AKAP7: variants seen among roughly 807,000 people sequenced by gnomAD.
The protein encoded by AKAP7 is A-kinase anchoring protein 7.
Under a neutral mutation model 39.5 loss-of-function variants are expected in AKAP7, and 39 were observed. The ratio of observed to expected loss-of-function variants is 0.99; its 90% CI spans 0.76 to 1.29. The LOEUF is 1.29. Among genes scored for constraint, AKAP7 ranks in the 50% most tolerant of loss-of-function variants. AKAP7 has a pLI of 0.00. For synonymous variants in AKAP7, 140 were observed against 139.1 expected, an observed-to-expected ratio of 1.01 and a Z score of -0.05; for missense variants, 414 against 407.7, an observed-to-expected ratio of 1.02 and a Z score of -0.13.
At chr6:131,127,908 A>G in the AKAP7 span, among the ~76,000 whole-genome samples, 3 of 152,356 alleles carry the variant, frequency 2.0e-5, no homozygotes, top group African/African-American at 7.2e-5. Context: ...CATTATCCTT[A>G]GCAAACTAAC....
At chr6:131,210,179 T>C (rs556291600) in intron 6 of AKAP7, among the ~76,000 whole-genome samples, 2 of 152,354 alleles carry the variant, frequency 1.3e-5, no homozygotes, top group South Asian at 2.1e-4. Flanking sequence ...ATACTTCCAT[T>C]TCTACATATG....
At chr6:131,176,247 G>A (rs1307292978) in intron 5 of AKAP7, among the ~76,000 whole-genome samples, 2 of 151,526 alleles carry the variant, frequency 1.3e-5, no homozygotes, top group Non-Finnish European at 2.9e-5. Flanking sequence ...CAGAGGCTGT[G>A]TCTCAGCTTC....
chr6:131,149,166 G>T (rs990480992), intron 2 of AKAP7, among the ~76,000 whole-genome samples: 2 of 152,224 alleles, frequency 1.3e-5, no homozygotes, highest in African/African-American at 4.8e-5. Context: ...CTGGTTGGGT[G>T]AGATGGGTCT....
rs145313230 is a variant in AKAP7, at chr6:131,159,859, T to A, written c.152-200T>A. ...TTTTGTCTACAGCAGAGTTGAGTAGTTAACGGCAGAGACTATGTCATCTGC... is the reference window on the plus strand; with the variant it reads ...TTTTGTCTACAGCAGAGTTGAGTAGATAACGGCAGAGACTATGTCATCTGC... On this transcript the variant is annotated intron_variant, in intron 2 of 7. Coordinates refer to ENST00000431975, the MANE Select transcript of AKAP7 (RefSeq NM_016377.4). 7.9e-5 allele frequency among the ~76,000 whole-genome samples: 12 copies of A among 152,326 alleles called. No homozygotes were observed. In the East Asian group the frequency reaches 1.7e-3, roughly 22 times the overall value.
intron 1 of AKAP7, among the ~76,000 whole-genome samples, chr6:131,141,562 A>C (rs1387316659): frequency 6.6e-6 from 1 of 152,212 alleles, no homozygotes; most frequent in Non-Finnish European, 1.5e-5. Flanking sequence ...GATACCTGAA[A>C]AGGTGGAAGT....
At chr6:131,195,923 T>A (rs1234411991) in intron 5 of AKAP7, among the ~76,000 whole-genome samples, 3 of 152,182 alleles carry the variant, frequency 2.0e-5, no homozygotes, top group Non-Finnish European at 4.4e-5. Flanking sequence ...CTTTAGGTAG[T>A]CTTCTTTGAA....
At position 131,281,432 on chromosome 6, in the gene AKAP7, C is replaced by A; in HGVS notation, c.851-98C>A. 1.0e-6 allele frequency: 1 copy of A among 970,344 alleles called. No individual in the cohort carries two copies. Among genetic ancestry groups the A allele is most frequent in the Non-Finnish European group, 1.5e-6 (1 of 674,854 alleles). The allele number at this position is 970,344 out of a possible 1,614,324, so 60.1% of individuals were successfully genotyped here. A position where few individuals can be genotyped will look rare whatever the true frequency, so the allele number is the denominator to read the frequency against. On this transcript the variant is annotated intron_variant, in intron 7 of 7. Transcript: ENST00000431975. The surrounding 1 kb of genome is among the most constrained non-coding windows in gnomAD (Gnocchi z 4.0). ...CTTGAATTTATAGATCCAATTTACA[C>A]TTGCTCTTTTTAACCAATGGAACTA...
chr6:131,218,987 C>T (rs982189934), intron 6 of AKAP7, among the ~76,000 whole-genome samples: 7 of 151,910 alleles, frequency 4.6e-5, no homozygotes, highest in Non-Finnish European at 7.4e-5. Flanking sequence ...GTATCTATTT[C>T]GCTGGGCGCA....
intron 5 of AKAP7, among the ~76,000 whole-genome samples, chr6:131,171,445 A>C (rs1804037385): frequency 6.6e-6 from 1 of 152,198 alleles, no homozygotes; most frequent in African/African-American, 2.4e-5. Context: ...ATGCAAATAA[A>C]TCAAGTCCTA....
At chr6:131,198,091 G>A (rs1195602909) in intron 5 of AKAP7, among the ~76,000 whole-genome samples, 1 of 152,152 alleles carries the variant, frequency 6.6e-6, no homozygotes, top group African/African-American at 2.4e-5. Context: ...CAAAGGCCAC[G>A]AGGGGTTTTA....
chr6:131,137,002 C>A (rs1020515230), intron 1 of AKAP7, among the ~76,000 whole-genome samples: 3 of 152,170 alleles, frequency 2.0e-5, no homozygotes, highest in African/African-American at 7.2e-5. Flanking sequence ...CCTCTGTTGG[C>A]TCAGGTGGAA....
At chr6:131,189,779 AT>A (rs1806229373) in intron 5 of AKAP7, among the ~76,000 whole-genome samples, 1 of 152,178 alleles carries the variant, frequency 6.6e-6, no homozygotes, top group African/African-American at 2.4e-5. Context: ...ATGTAAATAT[AT>A]TTTTAAGTAG....
At chr6:131,239,076 T>G (rs1448030693) in intron 7 of AKAP7, among the ~76,000 whole-genome samples, 1 of 152,216 alleles carries the variant, frequency 6.6e-6, no homozygotes, top group Admixed American at 6.5e-5. Flanking sequence ...TAGTGCTTCC[T>G]TCAGGAGCTC....
upstream of AKAP7, among the ~76,000 whole-genome samples, chr6:131,130,546 T>G (rs1168708935): frequency 6.6e-6 from 1 of 152,254 alleles, no homozygotes. Flanking sequence ...TCCACCCGCT[T>G]CGGCCTTCCA....
chr6:131,211,650 G>A (rs1481743091), intron 6 of AKAP7, among the ~76,000 whole-genome samples: 1 of 151,358 alleles, frequency 6.6e-6, no homozygotes, highest in Non-Finnish European at 1.5e-5. Context: ...GCGGACACCT[G>A]TAGTCCCAGC....
At chr6:131,212,464 G>A (rs1808758250) in intron 6 of AKAP7, among the ~76,000 whole-genome samples, 1 of 152,058 alleles carries the variant, frequency 6.6e-6, no homozygotes, top group Non-Finnish European at 1.5e-5. Context: ...TATCTGTTAC[G>A]ATGTCCAGGG....
Position 131,282,224 on chromosome 6 carries a change from G to C in AKAP7, c.*498G>C. 1 of 1,328,668 alleles carries C rather than the reference G, an allele frequency of 7.5e-7. No individual in the cohort carries two copies. Among genetic ancestry groups the C allele is most frequent in the South Asian group, 2.2e-5 (1 of 45,600 alleles). The allele number at this position is 1,328,668 out of a possible 1,614,324, so 82.3% of individuals were successfully genotyped here. A position where few individuals can be genotyped will look rare whatever the true frequency, so the allele number is the denominator to read the frequency against. On this transcript the variant is annotated 3_prime_UTR_variant, in exon 8 of 8. Coordinates refer to ENST00000431975, the MANE Select transcript of AKAP7 (RefSeq NM_016377.4). ...TTTGTCCTAAGTGTGCTGTTGCTAT[G>C]CAGTGTGATCTTTATTTATAGTAAA...
rs1220635933 is a variant in AKAP7 at position 131,140,416 on chromosome 6, C to A, written c.19+4634C>A. On this transcript the variant is annotated intron_variant, in intron 1 of 7. Transcript: ENST00000431975. ...GGTGATTAATTGAGCTCAGGAGAAA[C>A]CAAAAGTTAAGCGATTTTGCGAACT... 2.6e-5 allele frequency among the ~76,000 whole-genome samples: 4 copies of A among 152,248 alleles called. No homozygotes were observed. In the South Asian group the frequency reaches 8.3e-4, roughly 32 times the overall value.
chr6:131,203,448 GT>G (rs969912388), intron 6 of AKAP7, among the ~76,000 whole-genome samples: 3 of 151,474 alleles, frequency 2.0e-5, no homozygotes, highest in African/African-American at 4.8e-5. Flanking sequence ...CGAAATAATA[GT>G]TTTTTTTTAA....
Sources: allele counts gnomAD v4.1 joint callset (sites outside exome capture counted in the v4.1 genomes callset), GRCh38; gene constraint gnomAD v4.1.1; non-coding constraint Gnocchi (gnomAD v3.1); transcripts MANE v1.5; gene names NCBI Gene and HGNC (gene_info 2026-07-23, HGNC 2026-07-21).